Variants in PHACTR1 observed in about 807,000 individuals in gnomAD.
The protein encoded by PHACTR1 is phosphatase and actin regulator 1, also known as RPEL repeat containing 1.
Under a neutral mutation model 69.2 loss-of-function variants are expected in PHACTR1, and 16 were observed. The observed-to-expected ratio is 0.23, with a 90% CI of 0.16 to 0.35. PHACTR1 has a LOEUF of 0.35. PHACTR1 is among the 10% of genes least tolerant of loss of function. The probability of loss-of-function intolerance (pLI) is 1.00; values close to 1 mark genes in which losing one functional copy is unlikely to be tolerated. For synonymous variants in PHACTR1, 312 were observed against 284.5 expected (o/e 1.10, Z -0.97); for missense variants, 510 against 734.7 (o/e 0.69, Z 3.54).
At chr6:13,085,125 C>G (rs985076853) in intron 5 of PHACTR1, among the ~76,000 whole-genome samples, 1 of 151,828 alleles carries the variant, frequency 6.6e-6, no homozygotes, top group Non-Finnish European at 1.5e-5. Flanking sequence ...CTAAACATGA[C>G]CATTTAATGA....
At chr6:13,086,817 G>A (rs1011724055) in intron 5 of PHACTR1, among the ~76,000 whole-genome samples, 4 of 152,136 alleles carry the variant, frequency 2.6e-5, no homozygotes, top group Admixed American at 2.0e-4. Flanking sequence ...TGGGTTATGT[G>A]GTAAGGGTAT....
chr6:13,235,498 G>A (rs745986221), intron 10 of PHACTR1, among the ~76,000 whole-genome samples: 32 of 152,208 alleles, frequency 2.1e-4, no homozygotes, highest in African/African-American at 6.8e-4. Flanking sequence ...GGGCGACCTC[G>A]TGATCTGCCA....
chr6:12,805,926 C>T (rs571355272), intron 4 of PHACTR1, among the ~76,000 whole-genome samples: 233 of 152,238 alleles, frequency 1.5e-3, no homozygotes, highest in African/African-American at 5.3e-3. Flanking sequence ...AGATTTCTAA[C>T]AGCATTTGCC....
At chr6:13,129,573 A>C (rs1349194685) in intron 5 of PHACTR1, among the ~76,000 whole-genome samples, 1 of 152,208 alleles carries the variant, frequency 6.6e-6, no homozygotes, top group Non-Finnish European at 1.5e-5. Context: ...GACTTACATA[A>C]TGATAAAAGG....
rs1444239352 is a variant in PHACTR1, at chr6:13,081,430, A to G, written c.415+27901A>G. ...AGCAGAAATGATAGACGCAACATGT[A>G]TCTGTTCTGTTAGCAAAATATCTCT... On this transcript the variant is annotated intron_variant, in intron 5 of 14. Transcript: ENST00000332995. Among the ~76,000 whole-genome samples the G allele has an allele frequency of 2.6e-5, 4 of 152,222 alleles. No homozygotes were observed. The East Asian group carries it at 7.7e-4, about 29-fold the overall frequency.
At chr6:13,159,023 C>T (rs1214437032) in intron 5 of PHACTR1, among the ~76,000 whole-genome samples, 1 of 152,194 alleles carries the variant, frequency 6.6e-6, no homozygotes, top group Non-Finnish European at 1.5e-5. Context: ...CTTCTTTCCT[C>T]CCCACGTTCG....
At position 13,206,061 on chromosome 6, in the gene PHACTR1, C is replaced by T; in HGVS notation, c.911C>T (p.Pro304Leu). 2 of 1,613,812 alleles carry T rather than the reference C, an allele frequency of 1.2e-6. No individual in the cohort carries two copies. Among genetic ancestry groups the T allele is most frequent in the South Asian group, 2.2e-5 (2 of 91,048 alleles). The change falls in exon 8 of 15, where the codon CCC becomes CTC. Residue 304 changes from proline to leucine, a missense_variant. Pro to Leu is a moderately conservative substitution (Grantham distance 98, BLOSUM62 -3). This residue lies in a region of PHACTR1 where 419 missense variants were observed against 530.9 expected (regional missense o/e 0.79). Transcript: ENST00000332995. ...QHLPSTTGSL[P>L]MHPSGCRMID... The stretch of plus-strand genomic sequence containing the variant: ...CTCCCCTCCACCACCGGCTCCCTCC[C>T]CATGCACCCCTCGGGCTGCAGAATG...
intron 4 of PHACTR1, among the ~76,000 whole-genome samples, chr6:12,928,679 G>C (rs1425986748): frequency 4.1e-5 from 6 of 145,264 alleles, no homozygotes; most frequent in African/African-American, 1.6e-4. Flanking sequence ...TATGTGGCAG[G>C]CATCGTGGTA....
At chr6:13,227,503 A>G (rs1208328545) in intron 8 of PHACTR1, among the ~76,000 whole-genome samples, 1 of 152,120 alleles carries the variant, frequency 6.6e-6, no homozygotes, top group East Asian at 1.9e-4. Flanking sequence ...CGTTCACATC[A>G]TTGTGCAACC....
intron 6 of PHACTR1, among the ~76,000 whole-genome samples, chr6:13,162,715 C>T (rs746791001): frequency 1.1e-4 from 17 of 152,238 alleles, no homozygotes; most frequent in Non-Finnish European, 1.8e-4. Flanking sequence ...TAAGTGGCTT[C>T]CTGACTTATA....
chr6:13,250,345 C>G (rs756874513), intron 10 of PHACTR1, among the ~76,000 whole-genome samples: 4 of 152,194 alleles, frequency 2.6e-5, no homozygotes, highest in Non-Finnish European at 5.9e-5. Context: ...GCTCATTACT[C>G]TAATCATCAA....
At position 12,935,337 on chromosome 6, in the gene PHACTR1, T is replaced by C. The variant is rs1789323952; in HGVS notation, c.251-118028T>C. Among the ~76,000 whole-genome samples the C allele has an allele frequency of 2.0e-5, 3 of 152,032 alleles. 1 individual carries two copies. The South Asian group carries it at 6.2e-4, about 32-fold the overall frequency. ...CGGCTCACTGCAACCTCTCCCTCCC[T>C]GATTCAAGCGATTCTCCTGCCTCAG... is the stretch of plus-strand genomic sequence containing the variant. On this transcript the variant is annotated intron_variant, in intron 4 of 14. Coordinates refer to ENST00000332995, the MANE Select transcript of PHACTR1 (RefSeq NM_030948.6).
chr6:13,038,469 G>C (rs1299629129), intron 4 of PHACTR1, among the ~76,000 whole-genome samples: 1 of 145,308 alleles, frequency 6.9e-6, no homozygotes, highest in Non-Finnish European at 1.5e-5. Context: ...AGCTACTTTT[G>C]CATGAGTGTT....
intron 3 of PHACTR1, 150 bp from the exon 4 acceptor site, chr6:12,749,493 CT>C: frequency 6.0e-6 from 4 of 661,806 alleles, no homozygotes; most frequent in Non-Finnish European, 2.8e-6. Context: ...CTTTTTTTTC[CT>C]TTTTCCCTCT....
At chr6:12,952,758 A>G (rs904125417) in intron 4 of PHACTR1, among the ~76,000 whole-genome samples, 9 of 152,176 alleles carry the variant, frequency 5.9e-5, no homozygotes, top group Non-Finnish European at 8.8e-5. Flanking sequence ...ATCATATGAT[A>G]ATATGTTTAG....
chr6:13,102,218 A>G (rs1347252901), intron 5 of PHACTR1, among the ~76,000 whole-genome samples: 1 of 152,216 alleles, frequency 6.6e-6, no homozygotes, highest in African/African-American at 2.4e-5. Context: ...CATGGAAGGA[A>G]CTATTGATTG....
At chr6:13,089,039 CCT>C (rs1184786249) in intron 5 of PHACTR1, among the ~76,000 whole-genome samples, 2 of 152,198 alleles carry the variant, frequency 1.3e-5, no homozygotes, top group African/African-American at 4.8e-5. Context: ...TGCTTCATCT[CCT>C]CTGTCTCCTT....
chr6:12,992,849 G>C (rs1206089714), intron 4 of PHACTR1, among the ~76,000 whole-genome samples: 1 of 152,226 alleles, frequency 6.6e-6, no homozygotes, highest in Non-Finnish European at 1.5e-5. Flanking sequence ...GGCAGCTTCT[G>C]ATTTACATAG....
intron 4 of PHACTR1, among the ~76,000 whole-genome samples, chr6:12,768,636 TA>T (rs1336368795): frequency 6.6e-6 from 1 of 152,152 alleles, no homozygotes; most frequent in African/African-American, 2.4e-5. Flanking sequence ...GCCACTGCAG[TA>T]AACATGGGGT....
Sources: gnomAD v4.1 joint callset for allele counts (sites outside exome capture counted in the v4.1 genomes callset) on GRCh38, gnomAD v4.1.1 for gene constraint, gnomAD v4.1.1 regional missense constraint, MANE v1.5 for transcripts, NCBI Gene and HGNC (gene_info 2026-07-23, HGNC 2026-07-21) for gene names.